TBCEL: variants seen among roughly 807,000 people sequenced by gnomAD.
TBCEL encodes the protein tubulin-specific chaperone cofactor E-like protein.
Under a neutral mutation model 44.2 loss-of-function variants are expected in TBCEL, and 15 were observed. The ratio of observed to expected loss-of-function variants is 0.34; its 90% CI spans 0.23 to 0.52. TBCEL has a LOEUF of 0.52. Among genes scored for constraint, TBCEL ranks in the 20% least tolerant of loss-of-function variants. The pLI, the probability that TBCEL is intolerant of heterozygous loss-of-function variation, is 0.95. For synonymous variants in TBCEL, 171 were observed against 185.4 expected (o/e 0.92, Z 0.63); for missense variants, 319 against 506.3 (o/e 0.63, Z 3.55).
intron 1 of TBCEL, among the ~76,000 whole-genome samples, chr11:121,030,315 G>A (rs573336165): frequency 5.9e-5 from 9 of 152,256 alleles, no homozygotes; most frequent in African/African-American, 2.2e-4. Flanking sequence ...ATGAATCCTT[G>A]GCGACCATGA....
At chr11:121,048,788 A>G (rs1193675328) in intron 4 of TBCEL, among the ~76,000 whole-genome samples, 1 of 151,854 alleles carries the variant, frequency 6.6e-6, no homozygotes, top group African/African-American at 2.4e-5. Flanking sequence ...TTAGCCATAT[A>G]CTTTTACTTG....
At chr11:121,083,457 A>T (rs560673452) in intron 8 of TBCEL, among the ~76,000 whole-genome samples, 1 of 152,202 alleles carries the variant, frequency 6.6e-6, no homozygotes, top group Non-Finnish European at 1.5e-5. Context: ...GGGAGTGGCA[A>T]TTATTTTTGA....
intron 1 of TBCEL, among the ~76,000 whole-genome samples, chr11:121,028,468 G>T (rs1422188172): frequency 1.3e-5 from 2 of 152,166 alleles, no homozygotes; most frequent in Non-Finnish European, 2.9e-5. Context: ...TAATTTTAGG[G>T]CCTTGAAGTC....
chr11:121,053,835 T>G, intron 5 of TBCEL, 103 bp downstream of exon 5: 1 of 1,285,504 alleles, frequency 7.8e-7, no homozygotes, highest in East Asian at 2.5e-5. Context: ...AACTGCAGAT[T>G]GAGTGGAGAA....
intron 8 of TBCEL, among the ~76,000 whole-genome samples, chr11:121,074,186 G>C (rs1945991279): frequency 6.6e-6 from 1 of 151,838 alleles, no homozygotes; most frequent in African/African-American, 2.4e-5. Context: ...ATTTTCATTT[G>C]GATGGGCAAT....
chr11:121,046,839 A>G (rs1189621261), intron 3 of TBCEL, among the ~76,000 whole-genome samples: 1 of 152,100 alleles, frequency 6.6e-6, no homozygotes, highest in Non-Finnish European at 1.5e-5. Flanking sequence ...GTTTGACCAA[A>G]TTCAATGTTA....
chr11:121,041,003 G>A (rs1245503191), intron 2 of TBCEL, among the ~76,000 whole-genome samples: 2 of 152,172 alleles, frequency 1.3e-5, no homozygotes, highest in Non-Finnish European at 2.9e-5. Context: ...TTAGCACTCT[G>A]TGGGGTACGT....
chr11:121,054,232 G>A (rs938335525), intron 5 of TBCEL, among the ~76,000 whole-genome samples: 2 of 151,844 alleles, frequency 1.3e-5, no homozygotes, highest in African/African-American at 4.8e-5. Context: ...CCCTATCTTT[G>A]TATTTACATG....
chr11:121,084,549 G>GC (rs139491836), intron 8 of TBCEL, among the ~76,000 whole-genome samples: 2,044 of 152,026 alleles, frequency 0.013, 37 homozygotes, highest in African/African-American at 0.047. Context: ...TCATTATCTT[G>GC]CTTGTGCTTG....
intron 8 of TBCEL, among the ~76,000 whole-genome samples, chr11:121,081,814 T>A (rs1409311935): frequency 6.6e-6 from 1 of 152,204 alleles, no homozygotes; most frequent in East Asian, 1.9e-4. Context: ...TTTATTTATG[T>A]AACTTTTAAG....
chr11:121,065,799 A>G (rs1242307293), intron 8 of TBCEL, among the ~76,000 whole-genome samples: 1 of 152,106 alleles, frequency 6.6e-6, no homozygotes, highest in African/African-American at 2.4e-5. Context: ...ACAGCACAGC[A>G]CTCTCTAAAA....
chr11:121,037,675 ATATATC>A (rs1318476738), intron 2 of TBCEL, among the ~76,000 whole-genome samples: 1 of 152,232 alleles, frequency 6.6e-6, no homozygotes, highest in African/African-American at 2.4e-5. Flanking sequence ...TTATAAAACT[ATATATC>A]TAATCTTTGT....
At chr11:121,066,051 T>A (rs1160447768) in intron 8 of TBCEL, among the ~76,000 whole-genome samples, 1 of 152,208 alleles carries the variant, frequency 6.6e-6, no homozygotes, top group East Asian at 1.9e-4. Flanking sequence ...AAAAGAATAA[T>A]GAATACTGTG....
At chr11:121,044,471 T>C (rs1945393186) in intron 2 of TBCEL, among the ~76,000 whole-genome samples, 1 of 152,174 alleles carries the variant, frequency 6.6e-6, no homozygotes, top group South Asian at 2.1e-4. Context: ...TACTCATATA[T>C]ACCATAATAC....
At chr11:121,063,123 G>A (rs1945754899) in intron 8 of TBCEL, among the ~76,000 whole-genome samples, 1 of 152,022 alleles carries the variant, frequency 6.6e-6, no homozygotes, top group Non-Finnish European at 1.5e-5. Flanking sequence ...AAATCTGCAT[G>A]GGACCAACTG....
chr11:121,087,045 C>T lies in TBCEL; in HGVS notation c.1224C>T (p.Ser408=), dbSNP rs2135029406. ...EMKYSSRALH[S]FGIRDGDKIY... is the part of the protein sequence containing the mutation. ...AGTACAGCTCTCGGGCATTGCATTCCTTTGGCATTAGGGATGGAGATAAAA... is the reference window on the plus strand; with the variant it reads ...AGTACAGCTCTCGGGCATTGCATTCTTTTGGCATTAGGGATGGAGATAAAA... Residue 408 remains serine, a synonymous_variant, in exon 9 of 9, where the codon TCC becomes TCT. Coordinates refer to ENST00000683345, the MANE Select transcript of TBCEL (RefSeq NM_001363644.2). The T allele has an allele frequency of 6.2e-7, 1 of 1,614,086 alleles. No homozygotes were observed.
Position 121,086,761 on chromosome 11 carries a change from G to A in TBCEL, c.957-17G>A, listed in dbSNP as rs769026865. 25 of 1,593,478 alleles carry A rather than the reference G, an allele frequency of 1.6e-5. No homozygotes were observed. The East Asian group carries it at 5.6e-4, about 36-fold the overall frequency. On this transcript the variant is annotated splice_polypyrimidine_tract_variant and intron_variant, in intron 8 of 8. Coordinates refer to ENST00000683345, the MANE Select transcript of TBCEL (RefSeq NM_001363644.2). ...GCTAGTAGTTTAAGCTGACAGTGTTGTTTTTAATCCTTCTAGGTATCATGA... is the reference window on the plus strand; with the variant it reads ...GCTAGTAGTTTAAGCTGACAGTGTTATTTTTAATCCTTCTAGGTATCATGA...
chr11:121,067,497 A>G (rs1591408613), intron 8 of TBCEL, among the ~76,000 whole-genome samples: 1 of 152,376 alleles, frequency 6.6e-6, no homozygotes, highest in South Asian at 2.1e-4. Flanking sequence ...ATGGACTAAC[A>G]AAAAACTGAG....
intron 8 of TBCEL, among the ~76,000 whole-genome samples, chr11:121,070,336 A>G (rs1241582379): frequency 6.6e-6 from 1 of 152,192 alleles, no homozygotes. Flanking sequence ...CATTTGACCC[A>G]GTGATCCCAT....
Sources: gnomAD v4.1 joint callset for allele counts (sites outside exome capture counted in the v4.1 genomes callset) on GRCh38, gnomAD v4.1.1 for gene constraint, MANE v1.5 for transcripts, NCBI Gene and HGNC (gene_info 2026-07-23, HGNC 2026-07-21) for gene names.